Variants in VAV2 observed in about 807,000 individuals in gnomAD.
The protein encoded by VAV2 is vav guanine nucleotide exchange factor 2, also known as guanine nucleotide exchange factor VAV2.
A neutral mutation model predicts 132.5 loss-of-function variants in VAV2; 67 were observed. The observed-to-expected ratio is 0.51, with a 90% confidence interval of 0.42 to 0.62. The LOEUF (loss-of-function observed/expected upper bound fraction) is 0.62, where lower values mean the gene tolerates loss of function less well. VAV2 is among the 20% of genes least tolerant of loss of function. The pLI is 0.00. For synonymous variants in VAV2, 492 were observed against 443.5 expected, an observed-to-expected ratio of 1.11 and a Z score of -1.37; for missense variants, 938 against 1,153.6, an observed-to-expected ratio of 0.81 and a Z score of 2.71.
At chr9:133,809,972 T>A (rs1412272419) in intron 6 of VAV2, among the ~76,000 whole-genome samples, 1 of 152,202 alleles carries the variant, frequency 6.6e-6, no homozygotes, top group Non-Finnish European at 1.5e-5. Flanking sequence ...CGCTTGGGTC[T>A]GCCAGGCTGC....
intron 1 of VAV2, among the ~76,000 whole-genome samples, chr9:133,974,624 G>A (rs943950690): frequency 9.2e-5 from 14 of 152,250 alleles, no homozygotes; most frequent in African/African-American, 2.4e-4. Context: ...CCAAAGGCAT[G>A]AGCAAGCTAC....
At chr9:133,906,606 C>T (rs1326662830) in intron 2 of VAV2, among the ~76,000 whole-genome samples, 1 of 152,168 alleles carries the variant, frequency 6.6e-6, no homozygotes, top group Admixed American at 6.5e-5. Flanking sequence ...GGCGGAGCCT[C>T]AAGGCACCCC....
At chr9:133,929,123 C>G (rs1840585476) in intron 2 of VAV2, among the ~76,000 whole-genome samples, 1 of 152,160 alleles carries the variant, frequency 6.6e-6, no homozygotes, top group Non-Finnish European at 1.5e-5. Flanking sequence ...CCTGAAGCAA[C>G]CTGTGGGACA....
At position 133,804,014 on chromosome 9, in the gene VAV2, G is replaced by A. The variant is rs1437165980; in HGVS notation, c.836+2067C>T. Among the ~76,000 whole-genome samples, 1 of 152,094 alleles carries A rather than the reference G, an allele frequency of 6.6e-6. No homozygotes were observed. The highest frequency in any genetic ancestry group is 1.5e-5 in the Non-Finnish European group (1 of 68,038). ...TCCTGGGCTCTCCAGCAACGCCGCA[G>A]CTCCCCCCGGAGCTTCTCTATCTTG... is the stretch of plus-strand genomic sequence containing the variant. On this transcript the variant is annotated intron_variant, in intron 9 of 29. Coordinates refer to ENST00000371850, the MANE Select transcript of VAV2 (RefSeq NM_001134398.2). This position sits in a 1 kb window ranked among gnomAD's most constrained non-coding sequence, Gnocchi z 4.5.
chr9:133,777,699 G>C (rs1833864946), intron 22 of VAV2, among the ~76,000 whole-genome samples: 1 of 151,938 alleles, frequency 6.6e-6, no homozygotes, highest in Non-Finnish European at 1.5e-5. Context: ...CCTCCACAAG[G>C]CCCCCCCAAG....
chr9:133,924,158 A>G lies in VAV2; in HGVS notation c.321+14945T>C, dbSNP rs563951139. ...GTATAATTTTTAAAAAAAGAATTCA[A>G]AGCAGGGTCTTGAAGGCATTATTTA... On this transcript the variant is annotated intron_variant, in intron 2 of 29. Coordinates refer to ENST00000371850, the MANE Select transcript of VAV2 (RefSeq NM_001134398.2). Among the ~76,000 whole-genome samples the G allele has an allele frequency of 1.1e-3, 164 of 152,264 alleles. 1 individual carries two copies. Among genetic ancestry groups the G allele is most frequent in the Non-Finnish European group, 2.0e-3 (139 of 68,014 alleles).
At chr9:133,943,847 A>G (rs2132153339) in intron 1 of VAV2, among the ~76,000 whole-genome samples, 1 of 152,352 alleles carries the variant, frequency 6.6e-6, no homozygotes, top group African/African-American at 2.4e-5. Flanking sequence ...CGGCCCATTC[A>G]TCGGCAGCCG....
intron 2 of VAV2, among the ~76,000 whole-genome samples, chr9:133,877,459 G>A (rs1838308052): frequency 6.6e-6 from 1 of 152,146 alleles, no homozygotes; most frequent in African/African-American, 2.4e-5. Flanking sequence ...GTTCGGCTCT[G>A]GGCTCAAAAG....
intron 3 of VAV2, among the ~76,000 whole-genome samples, chr9:133,850,254 A>G (rs1418237441): frequency 6.6e-6 from 1 of 152,192 alleles, no homozygotes; most frequent in Non-Finnish European, 1.5e-5. Context: ...ACCTCAGGCC[A>G]GGCCCTTAAC....
chr9:133,840,564 A>C lies in VAV2; in HGVS notation c.381-6224T>G, dbSNP rs980024160. ...CACCAGCCAGAGGACACAGACCAGA[A>C]AACAGAACACCCTACAGGGGTGCCC... On this transcript the variant is annotated intron_variant, in intron 3 of 29. Transcript: ENST00000371850. The surrounding 1 kb of genome is among the most constrained non-coding windows in gnomAD (Gnocchi z 4.5). Among the ~76,000 whole-genome samples the C allele has an allele frequency of 6.6e-6, 1 of 152,142 alleles. No homozygotes were observed. The highest frequency in any genetic ancestry group is 1.5e-5 in the Non-Finnish European group (1 of 68,030).
Position 133,788,280 on chromosome 9 carries a change from G to A in VAV2, c.1407+74C>T, listed in dbSNP as rs1834312855. 2 of 1,554,610 alleles carry A rather than the reference G, an allele frequency of 1.3e-6. No individual in the cohort carries two copies. Among genetic ancestry groups the A allele is most frequent in the African/African-American group, 2.7e-5 (2 of 73,660 alleles). The stretch of plus-strand genomic sequence containing the variant: ...CTGACTTCGAGTCCCCTTCCCCTGG[G>A]GTCTGGAACCCAGTGCCTCTCTCCA... On this transcript the variant is annotated intron_variant, in intron 15 of 29. Transcript: ENST00000371850. This position sits in a 1 kb window ranked among gnomAD's most constrained non-coding sequence, Gnocchi z 5.3.
At position 133,804,753 on chromosome 9, in the gene VAV2, C is replaced by T. The variant is rs1015687459; in HGVS notation, c.836+1328G>A. On this transcript the variant is annotated intron_variant, in intron 9 of 29. Transcript: ENST00000371850. The surrounding 1 kb of genome is among the most constrained non-coding windows in gnomAD (Gnocchi z 4.5). The stretch of plus-strand genomic sequence containing the variant: ...GCCAGCCGGGCACTATCAGCTCACC[C>T]ACAGATGAAGGGAACACCTTGCTGA... Among the ~76,000 whole-genome samples, 1 of 152,244 alleles carries T rather than the reference C, an allele frequency of 6.6e-6. No homozygotes were observed. The highest frequency in any genetic ancestry group is 1.5e-5 in the Non-Finnish European group (1 of 68,044).
chr9:133,766,491 G>A (rs1405879108), intron 29 of VAV2, among the ~76,000 whole-genome samples: 4 of 152,016 alleles, frequency 2.6e-5, no homozygotes, highest in Non-Finnish European at 5.9e-5. Context: ...GATGAAGCTG[G>A]AAACCATCAT....
intron 7 of VAV2, among the ~76,000 whole-genome samples, chr9:133,808,830 G>A (rs992604328): frequency 1.2e-4 from 18 of 152,212 alleles, no homozygotes; most frequent in South Asian, 4.1e-4. Context: ...GGCGCAGGCC[G>A]GGACTTCAGG....
rs373089093 is a variant in VAV2 at position 133,960,896 on chromosome 9, AG to A, written c.205-21678del. On this transcript the variant is annotated intron_variant, in intron 1 of 29. Coordinates refer to ENST00000371850, the MANE Select transcript of VAV2 (RefSeq NM_001134398.2). ...CCGGGGACAGAGCCAACGGGGCAGG[AG>A]GCCGTCATGGGAAGGGTGCTCGAGC... Among the ~76,000 whole-genome samples, 424 of 152,338 alleles carry A rather than the reference AG, an allele frequency of 2.8e-3. 1 individual carries two copies. The highest frequency in any genetic ancestry group is 9.8e-3 in the African/African-American group (409 of 41,588).
intron 3 of VAV2, among the ~76,000 whole-genome samples, chr9:133,858,127 C>T (rs1450440210): frequency 1.3e-5 from 2 of 152,220 alleles, no homozygotes; most frequent in Non-Finnish European, 2.9e-5. Flanking sequence ...AACCTCTAAG[C>T]CCCGTAGTGT....
intron 4 of VAV2, among the ~76,000 whole-genome samples, chr9:133,813,100 CCT>C (rs1023347609): frequency 5.3e-5 from 8 of 152,238 alleles, no homozygotes; most frequent in African/African-American, 1.7e-4. Flanking sequence ...CCAACCACCC[CCT>C]GTTCCCACAG....
At chr9:133,874,531 A>G (rs1284267128) in intron 2 of VAV2, among the ~76,000 whole-genome samples, 1 of 152,192 alleles carries the variant, frequency 6.6e-6, no homozygotes, top group African/African-American at 2.4e-5. Flanking sequence ...CGCGTGAGTC[A>G]CTGCCTCCAA....
intron 3 of VAV2, among the ~76,000 whole-genome samples, chr9:133,847,676 G>A (rs972482538): frequency 3.3e-5 from 5 of 152,304 alleles, no homozygotes; most frequent in South Asian, 2.1e-4. Context: ...GCTGCCCAAC[G>A]GGTTGGCCCT....
Sources: allele counts gnomAD v4.1 joint callset (sites outside exome capture counted in the v4.1 genomes callset), GRCh38; gene constraint gnomAD v4.1.1; non-coding constraint Gnocchi (gnomAD v3.1); transcripts MANE v1.5; gene names NCBI Gene and HGNC (gene_info 2026-07-23, HGNC 2026-07-21).